The following KIAA0586 variants were observed in gnomAD, a reference collection of about 807,000 sequenced individuals.
KIAA0586 encodes KIAA0586.
KIAA0586 carries 144 observed loss-of-function variants against 169.8 expected under a neutral mutation model. The observed-to-expected ratio is 0.85, with a 90% confidence interval of 0.74 to 0.97. The LOEUF (loss-of-function observed/expected upper bound fraction) is 0.97, where lower values mean the gene tolerates loss of function less well. Ranked by LOEUF, KIAA0586 falls within the 50% of genes least tolerant of loss-of-function variation. KIAA0586 has a pLI of 0.00. For missense variants in KIAA0586, 1,854 were observed against 1,823.0 expected, an observed-to-expected ratio of 1.02 and a Z score of -0.31; for synonymous variants, 625 against 612.4, an observed-to-expected ratio of 1.02 and a Z score of -0.30.
At chr14:58,495,276 A>ATGTG (rs754704939) in intron 26 of KIAA0586, among the ~76,000 whole-genome samples, 73 of 150,170 alleles carry the variant, frequency 4.9e-4, no homozygotes, top group Non-Finnish European at 1.0e-3. Context: ...ATATGTGTGT[A>ATGTG]TGTGTGTGTG....
Position 58,528,117 on chromosome 14 carries a change from G to A in KIAA0586, c.4430-11954G>A, listed in dbSNP as rs958697332. On this transcript the variant is annotated intron_variant, in intron 29 of 30. Coordinates refer to ENST00000652326, the MANE Select transcript of KIAA0586 (RefSeq NM_001329943.3). ...AAAAAAAGACAAAGAAGGTTATTACGTAATGGTAAAGGGATCAATGCGACA... is the reference window on the plus strand; with the variant it reads ...AAAAAAAGACAAAGAAGGTTATTACATAATGGTAAAGGGATCAATGCGACA... Among the ~76,000 whole-genome samples, 36 of 152,224 alleles carry A rather than the reference G, an allele frequency of 2.4e-4. 1 individual carries two copies. Among genetic ancestry groups the A allele is most frequent in the Admixed American group, 2.0e-3 (30 of 15,280 alleles).
At chr14:58,543,830 C>G in intron 30 of KIAA0586, 1 of 439,538 alleles carries the variant, frequency 2.3e-6, no homozygotes, top group South Asian at 1.7e-5. Context: ...CTCTATTTTC[C>G]ACACAGCTAT....
At position 58,498,837 on chromosome 14, in the gene KIAA0586, G is replaced by A; in HGVS notation, c.4045G>A (p.Ala1349Thr). 1.2e-6 allele frequency: 2 copies of A among 1,611,714 alleles called. No individual in the cohort carries two copies. The highest frequency in any genetic ancestry group is 8.5e-7 in the Non-Finnish European group (1 of 1,178,946). ...LSEGQRPQLT[A>T]AAENILMGHS... ...TGAAGGACAAAGACCCCAGCTAACA[G>A]CGGCAGCAGAGAACATCTTAATGGG... Residue 1349 changes from alanine to threonine, a missense_variant, in exon 27 of 31, where the codon GCG (alanine) becomes ACG (threonine). Ala to Thr is a moderately conservative substitution (Grantham distance 58). Coordinates refer to ENST00000652326, the MANE Select transcript of KIAA0586 (RefSeq NM_001329943.3).
At chr14:58,440,302 C>T in intron 4 of KIAA0586, 3 of 365,654 alleles carry the variant, frequency 8.2e-6, no homozygotes, top group South Asian at 2.0e-5. Context: ...CTCTCTCTCT[C>T]TCTTCCTCCC....
Position 58,547,881 on chromosome 14 carries a change from T to C in KIAA0586, c.4596T>C (p.Ser1532=). ...TCGAGGACTGCTCTCAGTCTCTGAG[T>C]CTCAGCACAATGCAGGAGGACATGG... is the stretch of plus-strand genomic sequence containing the variant. ...VNLEDCSQSL[S]LSTMQEDMES... Residue 1532 remains serine, a synonymous_variant, in exon 31 of 31, where the codon AGT becomes AGC. Coordinates refer to ENST00000652326, the MANE Select transcript of KIAA0586 (RefSeq NM_001329943.3). The C allele has an allele frequency of 2.5e-6, 4 of 1,613,706 alleles. No individual in the cohort carries two copies. The highest frequency in any genetic ancestry group is 2.5e-6 in the Non-Finnish European group (3 of 1,179,746).
chr14:58,556,615 C>A, the KIAA0586 span, among the ~76,000 whole-genome samples: 3 of 152,206 alleles, frequency 2.0e-5, no homozygotes, highest in Non-Finnish European at 4.4e-5. Flanking sequence ...TGACTTCTAT[C>A]ACCATCAGTT....
At chr14:58,429,111 G>A (rs1225839987) in intron 1 of KIAA0586, among the ~76,000 whole-genome samples, 1 of 152,136 alleles carries the variant, frequency 6.6e-6, no homozygotes, top group East Asian at 1.9e-4. Context: ...ATAGTGTATG[G>A]TTATATTTTA....
chr14:58,474,699 T>C lies in KIAA0586; in HGVS notation c.2727T>C (p.Pro909=). ...CTGATTCTACAAAATATAATGGTCCTCCATTTCCGCCAGTTGCTTCTACTT... is the reference window on the plus strand; with the variant it reads ...CTGATTCTACAAAATATAATGGTCCCCCATTTCCGCCAGTTGCTTCTACTT... ...VKADSTKYNG[P]PFPPVASTFQ... is the part of the protein sequence containing the mutation. The change falls in exon 19 of 31, where the codon CCT becomes CCC. Residue 909 remains proline (P), a synonymous_variant. Transcript: ENST00000652326. 6.2e-7 allele frequency: 1 copy of C among 1,613,388 alleles called. No homozygotes were observed. The highest frequency in any genetic ancestry group is 8.5e-7 in the Non-Finnish European group (1 of 1,179,490).
rs1313188160 is a variant in KIAA0586, at chr14:58,461,075, TC to T, written c.1975del (p.Gly662AspfsTer20). The T allele has an allele frequency of 6.2e-7, 1 of 1,612,332 alleles. No individual in the cohort carries two copies. The highest frequency in any genetic ancestry group is 8.5e-7 in the Non-Finnish European group (1 of 1,179,012). On this transcript the variant is annotated frameshift_variant, in exon 14 of 31. Transcript: ENST00000652326. LOFTEE classifies it high-confidence loss of function. ...CAGTTTATCAGGGCCATCGAAGCACTCTTAAAAAAGGACCATATCTCAGATT... is the reference window on the plus strand; with the variant it reads ...CAGTTTATCAGGGCCATCGAAGCACTTTAAAAAAGGACCATATCTCAGATT... The part of the protein sequence containing the change: ...KPVYQGHRST[L>X]KKGPYLRFNS...
chr14:58,444,580 C>A (rs1359509470), intron 6 of KIAA0586, among the ~76,000 whole-genome samples: 1 of 151,986 alleles, frequency 6.6e-6, no homozygotes, highest in East Asian at 1.9e-4. Flanking sequence ...CACACCACCA[C>A]GCCCAGCTAA....
intron 27 of KIAA0586, among the ~76,000 whole-genome samples, chr14:58,504,733 A>G (rs906808725): frequency 3.9e-5 from 6 of 152,172 alleles, no homozygotes; most frequent in Non-Finnish European, 8.8e-5. Context: ...CCCACACTCA[A>G]TGAGCCTGCT....
intron 6 of KIAA0586, among the ~76,000 whole-genome samples, chr14:58,445,519 C>T (rs1409788732): frequency 1.3e-5 from 2 of 151,434 alleles, no homozygotes; most frequent in East Asian, 3.9e-4. Context: ...CTGCAACCTC[C>T]ACCTCCCAGA....
At chr14:58,509,272 T>C (rs1028000542) in intron 28 of KIAA0586, among the ~76,000 whole-genome samples, 9 of 152,062 alleles carry the variant, frequency 5.9e-5, no homozygotes, top group Admixed American at 1.3e-4. Context: ...AAAAGTAAGG[T>C]AGCGATTTCA....
intron 28 of KIAA0586, among the ~76,000 whole-genome samples, chr14:58,511,339 A>G (rs1356024320): frequency 6.6e-6 from 1 of 152,174 alleles, no homozygotes; most frequent in East Asian, 1.9e-4. Context: ...TTTTTTACGT[A>G]TTTTAACTTA....
intron 30 of KIAA0586, among the ~76,000 whole-genome samples, chr14:58,541,610 A>T (rs571365757): frequency 1.3e-5 from 2 of 152,266 alleles, no homozygotes; most frequent in Non-Finnish European, 2.9e-5. Flanking sequence ...CATTCGTTAC[A>T]TAACTTATTA....
intron 30 of KIAA0586, among the ~76,000 whole-genome samples, chr14:58,542,190 A>G (rs1595546445): frequency 6.6e-6 from 1 of 152,170 alleles, no homozygotes; most frequent in East Asian, 1.9e-4. Flanking sequence ...TTAAATAAAA[A>G]GTTTTCAGCC....
chr14:58,484,877 ATTATATATATAT>A (rs1369089024), intron 21 of KIAA0586, among the ~76,000 whole-genome samples: 12 of 47,294 alleles, frequency 2.5e-4, no homozygotes, highest in African/African-American at 1.0e-3. Flanking sequence ...TTTTATATAT[ATTATATATATAT>A]TTATATATAT....
intron 29 of KIAA0586, among the ~76,000 whole-genome samples, chr14:58,516,714 A>ATT (rs2044783093): frequency 6.6e-6 from 1 of 152,202 alleles, no homozygotes; most frequent in Non-Finnish European, 1.5e-5. Flanking sequence ...AAAGAAAAAT[A>ATT]AAGTTGGAAG....
intron 27 of KIAA0586, among the ~76,000 whole-genome samples, chr14:58,503,608 C>A (rs1322810710): frequency 6.6e-6 from 1 of 151,934 alleles, no homozygotes; most frequent in Non-Finnish European, 1.5e-5. Flanking sequence ...CAAAAACATG[C>A]AATAAATTAC....
Sources: gnomAD v4.1 joint callset for allele counts (sites outside exome capture counted in the v4.1 genomes callset) on GRCh38, gnomAD v4.1.1 for gene constraint, MANE v1.5 for transcripts, NCBI Gene and HGNC (gene_info 2026-07-23, HGNC 2026-07-21) for gene names.